The following HS2ST1 variants were observed in gnomAD, a reference collection of about 807,000 sequenced individuals.
The protein encoded by HS2ST1 is 2-O-sulfotransferase.
A neutral mutation model predicts 42.9 loss-of-function variants in HS2ST1; 18 were observed. The ratio of observed to expected loss-of-function variants is 0.42; its 90% CI spans 0.29 to 0.62. The LOEUF (loss-of-function observed/expected upper bound fraction) is 0.62. Ranked by LOEUF, HS2ST1 falls within the 20% of genes least tolerant of loss-of-function variation. The probability of loss-of-function intolerance (pLI) is 0.21; values close to 1 mark genes in which losing one functional copy is unlikely to be tolerated. For missense variants in HS2ST1, 334 were observed against 433.8 expected (o/e 0.77, Z 2.04); for synonymous variants, 146 against 152.9 (o/e 0.95, Z 0.33).
At chr1:86,932,105 G>A (rs10489917) in intron 1 of HS2ST1, 1 of 151,734 alleles carries the variant, frequency 6.6e-6, no homozygotes, top group Non-Finnish European at 1.5e-5. Context: ...ATTAAGTTGA[G>A]TATTATAAGT....
At position 87,045,453 on chromosome 1, in the gene HS2ST1, TGTCTC is replaced by T. The variant is rs1650627520; in HGVS notation, c.125-27478_125-27474del. The T allele has an allele frequency of 3.3e-6, 4 of 1,203,656 alleles. No homozygotes were observed. In the Admixed American group the frequency reaches 5.1e-5, roughly 15 times the overall value. 74.6% of individuals were successfully genotyped at this position (1,203,656 alleles called of 1,614,324 possible). A position where few individuals can be genotyped will look rare whatever the true frequency, so the allele number is the denominator to read the frequency against. ...ATAGCAAATTTTTGTTTCACTACCT[TGTCTC>T]GTAAGGTGAGAACAGTCACTTTATG... On this transcript the variant is annotated intron_variant, in intron 1 of 6. Transcript: ENST00000370550.
At chr1:86,982,138 ACAGCTG>A (rs1421123955) in intron 1 of HS2ST1, among the ~76,000 whole-genome samples, 1 of 152,202 alleles carries the variant, frequency 6.6e-6, no homozygotes, top group African/African-American at 2.4e-5. Flanking sequence ...CCTTTTAGCC[ACAGCTG>A]GAGCTGGAGC....
chr1:87,010,598 T>C (rs1018065234), intron 1 of HS2ST1, among the ~76,000 whole-genome samples: 2 of 152,192 alleles, frequency 1.3e-5, no homozygotes, highest in Admixed American at 6.5e-5. Context: ...TTATTTTTCA[T>C]GTTAGATATT....
In HS2ST1 at chr1:86,935,874, A is replaced by G. The variant is rs148590836; in HGVS notation, c.124+20714A>G. ...TTTAATTCACATGAAAGTTGCGCAG[A>G]TAGTACAGAATTCATGTGTATCCTT... On this transcript the variant is annotated intron_variant, in intron 1 of 6. Coordinates refer to ENST00000370550, the MANE Select transcript of HS2ST1 (RefSeq NM_012262.4). 2.9e-3 allele frequency among the ~76,000 whole-genome samples: 437 copies of G among 152,316 alleles called. 3 individuals carry two copies. Among genetic ancestry groups the G allele is most frequent in the African/African-American group, 9.8e-3 (407 of 41,560 alleles).
At chr1:86,922,173 T>C (rs946653759) in intron 1 of HS2ST1, among the ~76,000 whole-genome samples, 1 of 151,658 alleles carries the variant, frequency 6.6e-6, no homozygotes, top group African/African-American at 2.4e-5. Context: ...GTTGTTGTTT[T>C]TTTTTTAAGT....
chr1:87,090,489 T>C (rs1231477095), intron 3 of HS2ST1, among the ~76,000 whole-genome samples: 1 of 152,036 alleles, frequency 6.6e-6, no homozygotes, highest in African/African-American at 2.4e-5. Context: ...TAGGATAAGC[T>C]AAGAGTTAAG....
Position 87,034,253 on chromosome 1 carries a change from T to C in HS2ST1, c.125-38681T>C, listed in dbSNP as rs1650316474. 5.3e-5 allele frequency among the ~76,000 whole-genome samples: 8 copies of C among 152,326 alleles called. No homozygotes were observed. The South Asian group carries it at 1.7e-3, about 32-fold the overall frequency. ...AAACAAAAATGTAAATTCTTTTACA[T>C]TGCAAATATAATATTACAAGAGAAT... On this transcript the variant is annotated intron_variant, in intron 1 of 6. Coordinates refer to ENST00000370550, the MANE Select transcript of HS2ST1 (RefSeq NM_012262.4).
chr1:86,940,322 T>G (rs1660734155), intron 1 of HS2ST1, among the ~76,000 whole-genome samples: 1 of 152,206 alleles, frequency 6.6e-6, no homozygotes, highest in Non-Finnish European at 1.5e-5. Context: ...TGCAGTGAGC[T>G]ATGGTCTCGC....
chr1:87,042,175 G>T (rs1263659001), intron 1 of HS2ST1, among the ~76,000 whole-genome samples: 1 of 151,972 alleles, frequency 6.6e-6, no homozygotes, highest in Non-Finnish European at 1.5e-5. Context: ...GAGATATTTG[G>T]AGTTTTTTGC....
At chr1:86,916,818 T>C (rs919719000) in intron 1 of HS2ST1, among the ~76,000 whole-genome samples, 1 of 152,202 alleles carries the variant, frequency 6.6e-6, no homozygotes, top group Non-Finnish European at 1.5e-5. Flanking sequence ...TGTACTTATT[T>C]TTTGTTTTGT....
chr1:87,086,202 T>C (rs988148148), intron 3 of HS2ST1, among the ~76,000 whole-genome samples: 1 of 152,294 alleles, frequency 6.6e-6, no homozygotes, highest in Non-Finnish European at 1.5e-5. Context: ...TCCTGGGGTA[T>C]GTCCAGGGTA....
At position 87,106,969 on chromosome 1, in the gene HS2ST1, C is replaced by G. The variant is rs550011963; in HGVS notation, c.*2273C>G. The G allele has an allele frequency of 6.6e-6, 1 of 152,054 alleles. No individual in the cohort carries two copies. The highest frequency in any genetic ancestry group is 1.9e-4 in the East Asian group (1 of 5,190). 9.4% of individuals were successfully genotyped at this position (152,054 alleles called of 1,614,324 possible). A position where few individuals can be genotyped will look rare whatever the true frequency, so the allele number is the denominator to read the frequency against. On this transcript the variant is annotated 3_prime_UTR_variant, in exon 7 of 7. Transcript: ENST00000370550. The stretch of plus-strand genomic sequence containing the variant: ...AGAGTAAATATTTTAGGCTTTGCAG[C>G]CCATACGGTCTCTGTCACAGCTAGT...
chr1:87,038,395 A>G (rs1185130853), intron 1 of HS2ST1, among the ~76,000 whole-genome samples: 6 of 152,166 alleles, frequency 3.9e-5, no homozygotes, highest in Non-Finnish European at 8.8e-5. Context: ...AAATAATTAA[A>G]CTGTTGTATA....
At chr1:87,052,862 GC>G (rs769285139) in intron 1 of HS2ST1, among the ~76,000 whole-genome samples, 3 of 152,134 alleles carry the variant, frequency 2.0e-5, no homozygotes, top group Admixed American at 1.3e-4. Flanking sequence ...CAACAGAAAT[GC>G]CCTCTAGAAC....
chr1:86,998,973 T>G (rs1190323985), intron 1 of HS2ST1, among the ~76,000 whole-genome samples: 2 of 152,168 alleles, frequency 1.3e-5, no homozygotes, highest in African/African-American at 2.4e-5. Context: ...ATATACACAT[T>G]TAAGTTTGAG....
intron 1 of HS2ST1, among the ~76,000 whole-genome samples, chr1:86,976,702 T>TTGTATATATATATATATATATATATA (rs1648411843): frequency 7.5e-5 from 2 of 26,794 alleles, no homozygotes; most frequent in Admixed American, 1.2e-3. Flanking sequence ...CTTTATAAAA[T>TTGTATATATATATATATATATATATA]TGTATATATA....
In HS2ST1 at chr1:87,071,598, G is replaced by A. The variant is rs550791397; in HGVS notation, c.125-1336G>A. On this transcript the variant is annotated intron_variant, in intron 1 of 6. Coordinates refer to ENST00000370550, the MANE Select transcript of HS2ST1 (RefSeq NM_012262.4). ...ACAAAAATTAGCTGGGTGTGGTGGC[G>A]GGTGCCTGTAATCCCAGCTACTCAG... 1.3e-4 allele frequency among the ~76,000 whole-genome samples: 19 copies of A among 151,958 alleles called. No individual in the cohort carries two copies. The East Asian group carries it at 2.5e-3, about 20-fold the overall frequency.
At chr1:86,966,512 C>T (rs550348527) in intron 1 of HS2ST1, among the ~76,000 whole-genome samples, 8 of 152,228 alleles carry the variant, frequency 5.3e-5, no homozygotes, top group East Asian at 3.9e-4. Context: ...AGCATTCATA[C>T]GATATTATTT....
intron 1 of HS2ST1, among the ~76,000 whole-genome samples, chr1:86,988,679 A>G (rs1648859780): frequency 6.6e-6 from 1 of 152,232 alleles, no homozygotes; most frequent in Admixed American, 6.5e-5. Context: ...TTTCACTTTA[A>G]TCGCTGTGAT....
Sources: gnomAD v4.1 joint callset for allele counts (sites outside exome capture counted in the v4.1 genomes callset) on GRCh38, gnomAD v4.1.1 for gene constraint, MANE v1.5 for transcripts, NCBI Gene and HGNC (gene_info 2026-07-23, HGNC 2026-07-21) for gene names.